Variants in GPM6B observed in about 807,000 individuals in gnomAD.
GPM6B encodes neuronal membrane glycoprotein M6-b.
GPM6B carries 4 observed loss-of-function variants against 27.2 expected under a neutral mutation model. The ratio of observed to expected loss-of-function variants is 0.15; its 90% CI spans 0.07 to 0.34. The LOEUF (loss-of-function observed/expected upper bound fraction) is 0.34, where lower values mean the gene tolerates loss of function less well. GPM6B is among the 10% of genes least tolerant of loss of function. GPM6B has a pLI of 1.00. For synonymous variants in GPM6B, 124 were observed against 103.1 expected (o/e 1.20, Z -1.23); for missense variants, 183 against 261.9 (o/e 0.70, Z 2.08).
intron 7 of GPM6B, among the ~76,000 whole-genome samples, chrX:13,774,885 G>C (rs1400063756): frequency 8.9e-6 from 1 of 112,105 alleles, no homozygotes; most frequent in Admixed American, 9.4e-5. Context: ...AAGACAGAGA[G>C]CTGGGTCAAC....
chrX:13,860,747 A>G (rs1224971613), intron 1 of GPM6B, among the ~76,000 whole-genome samples: 2 of 109,953 alleles, frequency 1.8e-5, no homozygotes. Flanking sequence ...AGCAGTGTAC[A>G]CTGTACCCAA....
At chrX:13,819,460 G>A (rs2049283993), upstream of GPM6B, among the ~76,000 whole-genome samples, 1 of 112,101 alleles carries the variant, frequency 8.9e-6, no homozygotes, top group African/African-American at 3.2e-5. Context: ...TGAGCCCCAT[G>A]CTCTAAGGCA....
At chrX:13,876,666 G>A (rs62587507) in intron 1 of GPM6B, among the ~76,000 whole-genome samples, 6 of 111,137 alleles carry the variant, frequency 5.4e-5, no homozygotes, top group Non-Finnish European at 1.1e-4. Flanking sequence ...GCTGACTGCT[G>A]ACTCTGAAGG....
chrX:13,798,515 C>T (rs975404311), intron 2 of GPM6B, among the ~76,000 whole-genome samples: 2 of 112,200 alleles, frequency 1.8e-5, no homozygotes, highest in Admixed American at 9.4e-5. Context: ...TGCAAACACA[C>T]GTGTATGGTA....
chrX:13,883,852 CCAA>C (rs2147017536), intron 1 of GPM6B, among the ~76,000 whole-genome samples: 1 of 56,174 alleles, frequency 1.8e-5, no homozygotes, highest in East Asian at 8.4e-4. Flanking sequence ...TGTCTCTAAA[CCAA>C]AAAAAAAAAA....
intron 1 of GPM6B, among the ~76,000 whole-genome samples, chrX:13,809,179 A>G (rs1366424283): frequency 2.7e-5 from 3 of 112,070 alleles, no homozygotes; most frequent in Admixed American, 1.9e-4. Flanking sequence ...GGCAAGGAGA[A>G]GGTAATGATC....
At chrX:13,817,760 G>A (rs960686505), upstream of GPM6B, among the ~76,000 whole-genome samples, 4 of 111,973 alleles carry the variant, frequency 3.6e-5, no homozygotes, top group Admixed American at 9.5e-5. Context: ...GTAGCAATTT[G>A]TTATTAGAAC....
At chrX:13,918,949 C>T (rs762913481) in intron 1 of GPM6B, among the ~76,000 whole-genome samples, 8 of 111,800 alleles carry the variant, frequency 7.2e-5, no homozygotes, top group Non-Finnish European at 1.1e-4. Context: ...GAGATTTGGG[C>T]GGGGATACAC....
intron 1 of GPM6B, among the ~76,000 whole-genome samples, chrX:13,827,650 G>A (rs963735985): frequency 6.3e-5 from 7 of 111,805 alleles, no homozygotes; most frequent in Non-Finnish European, 1.3e-4. Context: ...CAAGGTAGGC[G>A]GATCTCAACA....
At chrX:13,887,306 T>G (rs1167406839) in intron 1 of GPM6B, among the ~76,000 whole-genome samples, 2 of 112,142 alleles carry the variant, frequency 1.8e-5, no homozygotes, top group Non-Finnish European at 3.8e-5. Flanking sequence ...AGGGACATCT[T>G]GGGGGAAGAT....
In GPM6B at chrX:13,932,761, G is replaced by A. The variant is rs185182917; in HGVS notation, c.-198+5566C>T. ...TCTCAGGGCAATAATGAGTTTCAGG[G>A]AAACAAAGCCTTCAACCCCAATCTT... On this transcript the variant is annotated intron_variant, in intron 1 of 6. Transcript: ENST00000398361. Among the ~76,000 whole-genome samples, 325 of 111,818 alleles carry A rather than the reference G, an allele frequency of 2.9e-3. 1 individual carries two copies. Among genetic ancestry groups the A allele is most frequent in the African/African-American group, 9.2e-3 (285 of 30,845 alleles).
At chrX:13,804,692 T>C (rs2048990207) in intron 2 of GPM6B, among the ~76,000 whole-genome samples, 1 of 109,755 alleles carries the variant, frequency 9.1e-6, no homozygotes, top group Admixed American at 9.7e-5. Context: ...CTACAGTAAC[T>C]GCATGAGTGG....
intron 1 of GPM6B, among the ~76,000 whole-genome samples, chrX:13,856,344 T>TC (rs1045004625): frequency 9.0e-6 from 1 of 111,194 alleles, no homozygotes; most frequent in African/African-American, 3.3e-5. Context: ...AATGAATACC[T>TC]CCTCCAGAGC....
chrX:13,858,446 C>T (rs925261460), intron 1 of GPM6B, among the ~76,000 whole-genome samples: 1 of 111,353 alleles, frequency 9.0e-6, no homozygotes, highest in Non-Finnish European at 1.9e-5. Flanking sequence ...ATATTCCCAG[C>T]GTGGCCAATC....
At chrX:13,877,336 TAG>T (rs1010847997) in intron 1 of GPM6B, among the ~76,000 whole-genome samples, 18 of 111,873 alleles carry the variant, frequency 1.6e-4, no homozygotes, top group Non-Finnish European at 1.1e-4. Context: ...GATAGTGAAG[TAG>T]AGTTTCCTTA....
intron 1 of GPM6B, among the ~76,000 whole-genome samples, chrX:13,903,633 C>T (rs745359144): frequency 3.6e-5 from 4 of 112,212 alleles, no homozygotes; most frequent in South Asian, 3.7e-4. Flanking sequence ...TCATGAACAC[C>T]GTCATCCAAC....
chrX:13,776,067 C>T, intron 7 of GPM6B, 171 bp downstream of exon 7: 1 of 472,546 alleles, frequency 2.1e-6, no homozygotes, highest in East Asian at 3.4e-5. Context: ...AGGCAACCAA[C>T]TAATACTTTC....
intron 1 of GPM6B, among the ~76,000 whole-genome samples, chrX:13,931,314 C>A (rs1279801187): frequency 9.1e-6 from 1 of 110,250 alleles, no homozygotes; most frequent in Non-Finnish European, 1.9e-5. Flanking sequence ...TGGTGAAACC[C>A]CATCTCTACT....
At chrX:13,838,160 C>CTTTA (rs1025307361) in intron 1 of GPM6B, among the ~76,000 whole-genome samples, 37 of 109,629 alleles carry the variant, frequency 3.4e-4, no homozygotes, top group African/African-American at 6.7e-5. Flanking sequence ...AATATGGATG[C>CTTTA]TTTATCCTGA....
Sources: gnomAD v4.1 joint callset for allele counts (sites outside exome capture counted in the v4.1 genomes callset) on GRCh38, gnomAD v4.1.1 for gene constraint, MANE v1.5 for transcripts, NCBI Gene and HGNC (gene_info 2026-07-23, HGNC 2026-07-21) for gene names.